Variants in SLC44A5 observed in about 807,000 individuals in gnomAD.
SLC44A5 encodes solute carrier family 44 member 5.
SLC44A5 carries 57 observed loss-of-function variants against 101.8 expected under a neutral mutation model. The observed-to-expected ratio is 0.56, with a 90% CI of 0.45 to 0.70. The LOEUF is 0.70. Ranked by LOEUF, SLC44A5 falls within the 30% of genes least tolerant of loss-of-function variation. SLC44A5 has a pLI of 0.00. For synonymous variants in SLC44A5, 281 were observed against 290.9 expected, an observed-to-expected ratio of 0.97 and a Z score of 0.35; for missense variants, 737 against 853.1, an observed-to-expected ratio of 0.86 and a Z score of 1.70.
chr1:75,405,079 A>C lies in SLC44A5; in HGVS notation c.14-8458T>G, dbSNP rs184240554. Among the ~76,000 whole-genome samples the C allele has an allele frequency of 1.7e-3, 259 of 152,346 alleles. 1 individual carries two copies. Among genetic ancestry groups the C allele is most frequent in the African/African-American group, 5.9e-3 (245 of 41,582 alleles). Reference sequence around the variant, plus strand: ...CTGATAAAACAGACTTTCAACAAACAGAGAATAGAAGAGACAAAGAAGGGC... The same window carrying C: ...CTGATAAAACAGACTTTCAACAAACCGAGAATAGAAGAGACAAAGAAGGGC... On this transcript the variant is annotated intron_variant, in intron 2 of 23. Coordinates refer to ENST00000370859, the MANE Select transcript of SLC44A5 (RefSeq NM_001130058.2).
chr1:75,547,356 C>G (rs564416256), intron 1 of SLC44A5, among the ~76,000 whole-genome samples: 1 of 152,212 alleles, frequency 6.6e-6, no homozygotes, highest in Non-Finnish European at 1.5e-5. Context: ...AACTATTGCA[C>G]CCAGATCAGC....
intron 2 of SLC44A5, among the ~76,000 whole-genome samples, chr1:75,537,778 CATAAAT>C (rs1360174084): frequency 6.6e-6 from 1 of 152,172 alleles, no homozygotes; most frequent in Non-Finnish European, 1.5e-5. Flanking sequence ...GTTTCTTACA[CATAAAT>C]ATAAAACTTC....
intron 2 of SLC44A5, among the ~76,000 whole-genome samples, chr1:75,484,883 T>C (rs763629071): frequency 6.6e-6 from 1 of 152,234 alleles, no homozygotes; most frequent in African/African-American, 2.4e-5. Flanking sequence ...GCCCAAGCTG[T>C]TCCTTGGCCC....
intron 6 of SLC44A5, among the ~76,000 whole-genome samples, chr1:75,260,280 C>G (rs924903926): frequency 1.3e-5 from 2 of 152,048 alleles, no homozygotes; most frequent in African/African-American, 4.8e-5. Context: ...TTCAGGAGAC[C>G]CATTTCACAT....
the SLC44A5 span, among the ~76,000 whole-genome samples, chr1:75,702,111 C>T: frequency 6.6e-6 from 1 of 152,026 alleles, no homozygotes; most frequent in South Asian, 2.1e-4. Flanking sequence ...CAATGCCATC[C>T]CCAACAAGCT....
intron 2 of SLC44A5, among the ~76,000 whole-genome samples, chr1:75,506,592 A>T (rs1669272120): frequency 6.6e-6 from 1 of 151,992 alleles, no homozygotes; most frequent in Non-Finnish European, 1.5e-5. Context: ...TATTTTATAT[A>T]TTTTTGTGGC....
chr1:75,664,431 G>A, the SLC44A5 span, among the ~76,000 whole-genome samples: 1 of 151,984 alleles, frequency 6.6e-6, no homozygotes, highest in Admixed American at 6.6e-5. Context: ...TAAACCAAAA[G>A]GCTCCTGGAA....
rs1656033162 is a variant in SLC44A5, at chr1:75,320,149, G to A, written c.101+19433C>T. Among the ~76,000 whole-genome samples, 4 of 152,034 alleles carry A rather than the reference G, an allele frequency of 2.6e-5. No homozygotes were observed. In the South Asian group the frequency reaches 8.3e-4, roughly 32 times the overall value. On this transcript the variant is annotated intron_variant, in intron 4 of 23. Coordinates refer to ENST00000370859, the MANE Select transcript of SLC44A5 (RefSeq NM_001130058.2). ...ACGTCTAAGCTTATAGTGTAATATG[G>A]TTTACACAGAAGCGTACATTTAAAT...
At chr1:75,633,605 T>G in the SLC44A5 span, among the ~76,000 whole-genome samples, 1 of 152,160 alleles carries the variant, frequency 6.6e-6, no homozygotes, top group Non-Finnish European at 1.5e-5. Context: ...GCCTATCAGC[T>G]TAAGGAGATT....
intron 1 of SLC44A5, among the ~76,000 whole-genome samples, chr1:75,592,710 T>C (rs1424805185): frequency 6.6e-6 from 1 of 152,074 alleles, no homozygotes; most frequent in Admixed American, 6.6e-5. Context: ...AGTGAACTCA[T>C]TTTCAACAAA....
intron 2 of SLC44A5, among the ~76,000 whole-genome samples, chr1:75,509,340 C>CA (rs1434893485): frequency 1.3e-5 from 2 of 152,114 alleles, no homozygotes; most frequent in African/African-American, 4.8e-5. Flanking sequence ...TGTTTGATAT[C>CA]AAAAACATAA....
At chr1:75,343,733 T>C (rs1658050000) in intron 3 of SLC44A5, among the ~76,000 whole-genome samples, 1 of 152,134 alleles carries the variant, frequency 6.6e-6, no homozygotes, top group Admixed American at 6.6e-5. Context: ...ATTAAGACTT[T>C]AATATACAAC....
At chr1:75,421,014 C>G (rs1663968602) in intron 2 of SLC44A5, among the ~76,000 whole-genome samples, 1 of 151,932 alleles carries the variant, frequency 6.6e-6, no homozygotes, top group Non-Finnish European at 1.5e-5. Flanking sequence ...GAAATAATCT[C>G]TTTGGAATAT....
chr1:75,243,118 G>A (rs1470457646), intron 7 of SLC44A5, 107 bp from the exon 8 acceptor site: 2 of 1,293,518 alleles, frequency 1.5e-6, no homozygotes, highest in African/African-American at 1.5e-5. Context: ...GCAATGCACT[G>A]TTTTCCATCT....
intron 1 of SLC44A5, among the ~76,000 whole-genome samples, chr1:75,562,465 A>T (rs1417158120): frequency 6.6e-6 from 1 of 152,090 alleles, no homozygotes; most frequent in Non-Finnish European, 1.5e-5. Flanking sequence ...TGGGAGGCTG[A>T]GGTAGGCAGA....
chr1:75,437,312 A>T (rs1030823485), intron 2 of SLC44A5, among the ~76,000 whole-genome samples: 7 of 152,118 alleles, frequency 4.6e-5, no homozygotes, highest in Non-Finnish European at 7.4e-5. Flanking sequence ...AATGGCTATG[A>T]TATCACTAGG....
intron 2 of SLC44A5, among the ~76,000 whole-genome samples, chr1:75,440,688 A>C (rs1413474248): frequency 6.6e-6 from 1 of 152,140 alleles, no homozygotes; most frequent in East Asian, 1.9e-4. Flanking sequence ...AAACTATTGC[A>C]ATAATCTAGA....
intron 3 of SLC44A5, among the ~76,000 whole-genome samples, chr1:75,376,065 A>G (rs1660570278): frequency 6.6e-6 from 1 of 152,110 alleles, no homozygotes; most frequent in South Asian, 2.1e-4. Context: ...CAAGTCAAAG[A>G]AAGGGGTGAC....
chr1:75,363,383 C>CT (rs1393404461), intron 3 of SLC44A5, among the ~76,000 whole-genome samples: 2 of 151,622 alleles, frequency 1.3e-5, no homozygotes, highest in Non-Finnish European at 2.9e-5. Context: ...TCTTTCTTGT[C>CT]TTTTTTGTGG....
Sources: allele counts gnomAD v4.1 joint callset (sites outside exome capture counted in the v4.1 genomes callset), GRCh38; gene constraint gnomAD v4.1.1; transcripts MANE v1.5; gene names NCBI Gene and HGNC (gene_info 2026-07-23, HGNC 2026-07-21).